TMEM237: variants seen among roughly 807,000 people sequenced by gnomAD.
TMEM237 encodes the protein amyotrophic lateral sclerosis 2 (juvenile) chromosome region, candidate 4.
Under a neutral mutation model 59.1 loss-of-function variants are expected in TMEM237, and 51 were observed. The observed-to-expected ratio is 0.86, with a 90% CI of 0.69 to 1.09. The LOEUF (loss-of-function observed/expected upper bound fraction) is 1.09. Ranked by LOEUF, TMEM237 falls within the 50% of genes least tolerant of loss-of-function variation. The pLI, the probability that TMEM237 is intolerant of heterozygous loss-of-function variation, is 0.00. For synonymous variants in TMEM237, 140 were observed against 166.1 expected, an observed-to-expected ratio of 0.84 and a Z score of 1.21; for missense variants, 475 against 478.3, an observed-to-expected ratio of 0.99 and a Z score of 0.06.
rs1957716194 is a variant in TMEM237 at position 201,622,364 on chromosome 2, C to G, written c.*1891G>C. 6.6e-6 allele frequency: 1 copy of G among 152,272 alleles called. No homozygotes were observed. The highest frequency in any genetic ancestry group is 1.5e-5 in the Non-Finnish European group (1 of 68,080). 9.4% of individuals were successfully genotyped at this position (152,272 alleles called of 1,614,324 possible). ...TGTCAAAAGTATGACATGGGCAGCA[C>G]CAGGCCAAAACCAAGGTATCCACAG... On this transcript the variant is annotated 3_prime_UTR_variant, in exon 13 of 13. Transcript: ENST00000409883.
chr2:201,623,204 A>T lies in TMEM237; in HGVS notation c.*1051T>A, dbSNP rs1033658447. 4.1e-5 allele frequency: 17 copies of T among 416,152 alleles called. No individual in the cohort carries two copies. Among genetic ancestry groups the T allele is most frequent in the Admixed American group, 3.7e-4 (15 of 40,452 alleles). 25.8% of individuals were successfully genotyped at this position (416,152 alleles called of 1,614,324 possible). ...GTTCTATAACATTCAGGTGCTTGCT[A>T]ATCAGGGCAGGCTCAATAGTTTTAT... On this transcript the variant is annotated 3_prime_UTR_variant, in exon 13 of 13. Transcript: ENST00000409883.
chr2:201,626,765 C>A (rs1957762552), intron 11 of TMEM237, among the ~76,000 whole-genome samples: 1 of 152,152 alleles, frequency 6.6e-6, no homozygotes, highest in African/African-American at 2.4e-5. Context: ...CTCCTTCCGT[C>A]CATCATATGA....
Position 201,632,432 on chromosome 2 carries a change from C to T in TMEM237, c.396-224G>A, listed in dbSNP as rs56098207. Among the ~76,000 whole-genome samples, 23,449 of 152,148 alleles carry T rather than the reference C, an allele frequency of 0.15. 2,361 individuals are homozygous for T. The highest frequency in any genetic ancestry group is 0.22 in the Non-Finnish European group (15,072 of 67,976). ...GAAAATTGAAGTGACTGAACTAGAT[C>T]TGTAAGCTTCTTTCCAAATTTAAAA... On this transcript the variant is annotated intron_variant, in intron 6 of 12. Transcript: ENST00000409883.
At chr2:201,636,030 A>G (rs959061810) in intron 5 of TMEM237, 2 of 152,202 alleles carry the variant, frequency 1.3e-5, no homozygotes, top group Admixed American at 1.3e-4. Flanking sequence ...ACAACTGATG[A>G]TTATCTGTGT....
rs1687468752 is a variant in TMEM237, at chr2:201,643,262, C to T, written c.42+97G>A. On this transcript the variant is annotated intron_variant, in intron 1 of 12. Transcript: ENST00000409883. The surrounding 1 kb of genome is among the most constrained non-coding windows in gnomAD (Gnocchi z 4.3). ...AGCAAGGCCCTCCCTTAGTGATTCC[C>T]AGCTCGTTGGCGCCCCCCCACACAC... The T allele has an allele frequency of 2.5e-6, 3 of 1,212,148 alleles. No homozygotes were observed. Among genetic ancestry groups the T allele is most frequent in the Non-Finnish European group, 3.5e-6 (3 of 850,916 alleles). 75.1% of individuals were successfully genotyped at this position (1,212,148 alleles called of 1,614,324 possible). A position where few individuals can be genotyped will look rare whatever the true frequency, so the allele number is the denominator to read the frequency against.
intron 4 of TMEM237, among the ~76,000 whole-genome samples, chr2:201,638,115 A>T (rs1687338651): frequency 6.6e-6 from 1 of 152,242 alleles, no homozygotes; most frequent in Non-Finnish European, 1.5e-5. Context: ...AATTGGAAAT[A>T]ACCTAAATAA....
chr2:201,640,161 T>G lies in TMEM237; in HGVS notation c.79+100A>C, dbSNP rs1431592267. ...ATTTCACAAAAACATATTGTAGAATTACAAATTACACCATTCAGACTCAGT... is the reference window on the plus strand; with the variant it reads ...ATTTCACAAAAACATATTGTAGAATGACAAATTACACCATTCAGACTCAGT... On this transcript the variant is annotated intron_variant, in intron 3 of 12. Transcript: ENST00000409883. 3 of 958,766 alleles carry G rather than the reference T, an allele frequency of 3.1e-6. No homozygotes were observed. The African/African-American group carries it at 5.1e-5, about 16-fold the overall frequency. 59.4% of individuals were successfully genotyped at this position (958,766 alleles called of 1,614,324 possible).
At chr2:201,627,016 G>C (rs1384799552) in intron 11 of TMEM237, among the ~76,000 whole-genome samples, 1 of 152,006 alleles carries the variant, frequency 6.6e-6, no homozygotes, top group Admixed American at 6.5e-5. Flanking sequence ...GGAGGCGGTG[G>C]CTGCAGTGAG....
At chr2:201,634,198 T>G (rs1436991144) in intron 5 of TMEM237, among the ~76,000 whole-genome samples, 1 of 152,198 alleles carries the variant, frequency 6.6e-6, no homozygotes, top group African/African-American at 2.4e-5. Flanking sequence ...GTCTGCTATA[T>G]TAACTCTTTT....
chr2:201,628,217 A>G, intron 9 of TMEM237, 68 bp from the exon 10 acceptor site: 2 of 1,161,570 alleles, frequency 1.7e-6, no homozygotes, highest in Admixed American at 4.2e-5. Context: ...TTTCTTGACT[A>G]TAGTTTTTTC....
intron 6 of TMEM237, 59 bp from the exon 7 acceptor site, chr2:201,632,267 A>G (rs1173243854): frequency 4.4e-6 from 7 of 1,574,628 alleles, no homozygotes; most frequent in African/African-American, 2.7e-5. Context: ...ACAGACTTAC[A>G]TAAGGAACTA....
chr2:201,637,498 C>A (rs1433454024), intron 4 of TMEM237, among the ~76,000 whole-genome samples: 1 of 152,216 alleles, frequency 6.6e-6, no homozygotes, highest in Non-Finnish European at 1.5e-5. Flanking sequence ...AATCCCAGCA[C>A]TTTGGGAGGC....
In TMEM237 at chr2:201,635,043, T is replaced by C. The variant is rs1687269018; in HGVS notation, c.275-1612A>G. The C allele has an allele frequency of 5.4e-6, 1 of 184,552 alleles. No individual in the cohort carries two copies. Among genetic ancestry groups the C allele is most frequent in the African/African-American group, 2.4e-5 (1 of 41,678 alleles). The allele number at this position is 184,552 out of a possible 1,614,324, so 11.4% of individuals were successfully genotyped here. The stretch of plus-strand genomic sequence containing the variant: ...ATTTTTCTAATTATTATAAAAGTCA[T>C]AATGCTCAAAATATAAAAAATTAGT... On this transcript the variant is annotated intron_variant, in intron 5 of 12. Coordinates refer to ENST00000409883, the MANE Select transcript of TMEM237 (RefSeq NM_001044385.3). The surrounding 1 kb of genome is among the most constrained non-coding windows in gnomAD (Gnocchi z 4.5).
rs1272747058 is a variant in TMEM237, at chr2:201,629,165, G to A, written c.869+65C>T. ...TCTATTTTGAAAACTATCATGGTCA[G>A]TGACACATTTTGCTCAGCATTTCCT... On this transcript the variant is annotated intron_variant, in intron 9 of 12. Transcript: ENST00000409883. 9 of 1,252,062 alleles carry A rather than the reference G, an allele frequency of 7.2e-6. No individual in the cohort carries two copies. The African/African-American group carries it at 1.4e-4, about 19-fold the overall frequency. 77.6% of individuals were successfully genotyped at this position (1,252,062 alleles called of 1,614,324 possible). A position where few individuals can be genotyped will look rare whatever the true frequency, so the allele number is the denominator to read the frequency against.
intron 7 of TMEM237, chr2:201,630,986 A>T (rs1260616803): frequency 6.6e-6 from 1 of 152,216 alleles, no homozygotes; most frequent in Non-Finnish European, 1.5e-5. Context: ...TTTAGGCAGC[A>T]TATGCTTAAC....
intron 11 of TMEM237, 112 bp downstream of exon 11, chr2:201,627,209 A>G: frequency 1.4e-6 from 1 of 704,924 alleles, no homozygotes; most frequent in Non-Finnish European, 2.4e-6. Context: ...CTTGCCATAT[A>G]TTTGGAAACA....
chr2:201,632,763 C>T (rs1040339719), intron 6 of TMEM237, among the ~76,000 whole-genome samples: 8 of 152,140 alleles, frequency 5.3e-5, no homozygotes, highest in Admixed American at 1.3e-4. Flanking sequence ...TATCCAGTCT[C>T]GGGTATGTCT....
chr2:201,639,331 A>G (rs1047985295), intron 3 of TMEM237, among the ~76,000 whole-genome samples: 9 of 152,222 alleles, frequency 5.9e-5, no homozygotes, highest in Admixed American at 3.9e-4. Flanking sequence ...CCTTGCACAT[A>G]GGTGTAGTCT....
chr2:201,628,886 A>T (rs549148340), intron 9 of TMEM237, among the ~76,000 whole-genome samples: 74 of 152,278 alleles, frequency 4.9e-4, no homozygotes, highest in African/African-American at 1.8e-3. Flanking sequence ...TCAGCCAGCC[A>T]GTGTGTGGTA....
Sources: allele counts gnomAD v4.1 joint callset (sites outside exome capture counted in the v4.1 genomes callset), GRCh38; gene constraint gnomAD v4.1.1; non-coding constraint Gnocchi (gnomAD v3.1); transcripts MANE v1.5; gene names NCBI Gene and HGNC (gene_info 2026-07-23, HGNC 2026-07-21).